The following CA8 variants were observed in gnomAD, a reference collection of about 807,000 sequenced individuals.
The protein encoded by CA8 is carbonic anhydrase-related protein.
CA8 carries 22 observed loss-of-function variants against 41.4 expected under a neutral mutation model. The ratio of observed to expected loss-of-function variants is 0.53; its 90% CI spans 0.38 to 0.76. The LOEUF (loss-of-function observed/expected upper bound fraction) is 0.76. Among genes scored for constraint, CA8 ranks in the 30% least tolerant of loss-of-function variants. The pLI is 0.00. For missense variants in CA8, 270 were observed against 352.8 expected, an observed-to-expected ratio of 0.77 and a Z score of 1.88; for synonymous variants, 121 against 130.6, an observed-to-expected ratio of 0.93 and a Z score of 0.50.
At chr8:60,229,609 A>G (rs1807571023) in intron 4 of CA8, among the ~76,000 whole-genome samples, 1 of 152,074 alleles carries the variant, frequency 6.6e-6, no homozygotes, top group South Asian at 2.1e-4. Flanking sequence ...CTTCTGCCCC[A>G]TTCCACCTGA....
At chr8:60,264,379 C>T (rs1020651310) in intron 3 of CA8, among the ~76,000 whole-genome samples, 4 of 152,204 alleles carry the variant, frequency 2.6e-5, no homozygotes, top group African/African-American at 9.6e-5. Flanking sequence ...AAGAGGGAGG[C>T]AGGGCAAAGG....
rs1805940487 is a variant in CA8, at chr8:60,185,550, G to C, written c.*4471C>G. 6.6e-6 allele frequency among the ~76,000 whole-genome samples: 1 copy of C among 152,064 alleles called. No individual in the cohort carries two copies. Among genetic ancestry groups the C allele is most frequent in the South Asian group, 2.1e-4 (1 of 4,824 alleles). The stretch of plus-strand genomic sequence containing the variant: ...CATCATAGTACGAAATCTGGGGCAG[G>C]GGGGAAACCATTTGTTTTTGAAAGC... On this transcript the variant is annotated 3_prime_UTR_variant, in exon 9 of 9. Coordinates refer to ENST00000317995, the MANE Select transcript of CA8 (RefSeq NM_004056.6).
At chr8:60,230,825 C>A (rs374225841) in intron 4 of CA8, among the ~76,000 whole-genome samples, 1 of 152,136 alleles carries the variant, frequency 6.6e-6, no homozygotes, top group Non-Finnish European at 1.5e-5. Context: ...CGGGGCTCTA[C>A]GAATCCAGGT....
At chr8:60,196,944 C>T (rs952243194) in intron 8 of CA8, among the ~76,000 whole-genome samples, 12 of 151,992 alleles carry the variant, frequency 7.9e-5, no homozygotes, top group African/African-American at 2.9e-4. Context: ...AGAATAGAAC[C>T]AAGTATTTAC....
intron 4 of CA8, 149 bp downstream of exon 4, chr8:60,232,135 T>C: frequency 1.5e-6 from 1 of 675,776 alleles, no homozygotes; most frequent in East Asian, 2.7e-5. Context: ...CGATAAACCA[T>C]AAGGATCAAG....
chr8:60,207,953 G>A (rs13259697), intron 8 of CA8: 44,040 of 152,102 alleles, frequency 0.29, 8,034 homozygotes, highest in Admixed American at 0.42. Flanking sequence ...ATGAGATTTC[G>A]CTGCTTCCCT....
chr8:60,229,587 T>C (rs1807570532), intron 4 of CA8, among the ~76,000 whole-genome samples: 1 of 152,134 alleles, frequency 6.6e-6, no homozygotes, highest in African/African-American at 2.4e-5. Context: ...TCTTCACCCG[T>C]CAGTCCGTGG....
Position 60,222,719 on chromosome 8 carries a change from G to A in CA8, c.668C>T (p.Thr223Ile). 6.2e-7 allele frequency: 1 copy of A among 1,614,014 alleles called. No homozygotes were observed. The highest frequency in any genetic ancestry group is 8.5e-7 in the Non-Finnish European group (1 of 1,179,860). Reference sequence around the variant, plus strand: ...GACACCTTCACTGCAAGGTGGGATGGTGAGAGAGCCTTCATACACCCAGTA... The same window carrying A: ...GACACCTTCACTGCAAGGTGGGATGATGAGAGAGCCTTCATACACCCAGTA... ...RDYWVYEGSL[T>I]IPPCSEGVTW... Residue 223 changes from threonine to isoleucine, a missense_variant, in exon 7 of 9, where the codon ACC becomes ATC. Physicochemically the swap from Thr to Ile is moderately conservative, Grantham distance 89. Coordinates refer to ENST00000317995, the MANE Select transcript of CA8 (RefSeq NM_004056.6).
chr8:60,274,681 C>G (rs945609175), intron 2 of CA8, among the ~76,000 whole-genome samples: 3 of 152,096 alleles, frequency 2.0e-5, no homozygotes, highest in Non-Finnish European at 4.4e-5. Flanking sequence ...GACGTAGCAC[C>G]GAAGCACCAT....
chr8:60,251,883 C>T (rs1202404418), intron 3 of CA8, among the ~76,000 whole-genome samples: 1 of 152,102 alleles, frequency 6.6e-6, no homozygotes, highest in African/African-American at 2.4e-5. Context: ...CTAGTTGTCC[C>T]AAGGCTTTTT....
chr8:60,191,504 C>G (rs1806129495), intron 8 of CA8, among the ~76,000 whole-genome samples: 1 of 152,118 alleles, frequency 6.6e-6, no homozygotes, highest in South Asian at 2.1e-4. Context: ...TGTATCAACT[C>G]TGTTAAAATA....
intron 2 of CA8, among the ~76,000 whole-genome samples, chr8:60,269,330 A>G (rs1490729539): frequency 6.6e-6 from 1 of 152,192 alleles, no homozygotes; most frequent in East Asian, 1.9e-4. Context: ...GGGTCACTAC[A>G]TGGCAGGTTT....
At chr8:60,213,200 A>C (rs1361524927) in intron 7 of CA8, among the ~76,000 whole-genome samples, 1 of 152,154 alleles carries the variant, frequency 6.6e-6, no homozygotes, top group Non-Finnish European at 1.5e-5. Context: ...CGATCTTTTC[A>C]ATTTTTTTGA....
chr8:60,220,106 T>C (rs187004474), intron 7 of CA8, among the ~76,000 whole-genome samples: 1 of 152,242 alleles, frequency 6.6e-6, no homozygotes, highest in East Asian at 1.9e-4. Context: ...GGGTTAACAA[T>C]GGCCTAACTG....
At chr8:60,206,979 C>T (rs564908298) in intron 8 of CA8, among the ~76,000 whole-genome samples, 158 of 152,286 alleles carry the variant, frequency 1.0e-3, no homozygotes, top group Middle Eastern at 3.4e-3. Flanking sequence ...CACCCCGTCT[C>T]TGTTGCTGCG....
At chr8:60,222,572 A>C in intron 7 of CA8, 77 bp downstream of exon 7, 1 of 943,818 alleles carries the variant, frequency 1.1e-6, no homozygotes, top group East Asian at 2.4e-5. Context: ...CTAAAACACA[A>C]AACAGACATT....
intron 8 of CA8, among the ~76,000 whole-genome samples, chr8:60,193,725 C>A (rs1806200464): frequency 6.6e-6 from 1 of 152,122 alleles, no homozygotes; most frequent in Non-Finnish European, 1.5e-5. Flanking sequence ...TCTGGAATTT[C>A]TCCCTCCATG....
chr8:60,224,539 G>T lies in CA8; in HGVS notation c.623C>A (p.Pro208Gln). The T allele has an allele frequency of 6.4e-7, 1 of 1,567,782 alleles. No individual in the cohort carries two copies. The highest frequency in any genetic ancestry group is 8.8e-7 in the Non-Finnish European group (1 of 1,138,942). ...TATGCAATCAGGTAAATACTCACCT[G>T]GTAATAAAGTGTTAGGATTAAAGCA... is the stretch of plus-strand genomic sequence containing the variant. ...IPCFNPNTLLPDPLLRDYWVY... is the reference protein window; with the variant it reads ...IPCFNPNTLLQDPLLRDYWVY... Residue 208 changes from proline to glutamine, a missense_variant and splice_region_variant, in exon 6 of 9, where the codon CCA (proline) becomes CAA (glutamine). Coordinates refer to ENST00000317995, the MANE Select transcript of CA8 (RefSeq NM_004056.6).
chr8:60,275,146 T>C (rs1804190503), intron 2 of CA8, among the ~76,000 whole-genome samples: 1 of 152,094 alleles, frequency 6.6e-6, no homozygotes, highest in South Asian at 2.1e-4. Context: ...GATAAACCAA[T>C]ATAAGCAACA....
Sources: allele counts gnomAD v4.1 joint callset (sites outside exome capture counted in the v4.1 genomes callset), GRCh38; gene constraint gnomAD v4.1.1; transcripts MANE v1.5; gene names NCBI Gene and HGNC (gene_info 2026-07-23, HGNC 2026-07-21).